Variants in CDH11 observed in about 807,000 individuals in gnomAD.
The protein encoded by CDH11 is cadherin 11.
Under a neutral mutation model 67.8 loss-of-function variants are expected in CDH11, and 11 were observed. The ratio of observed to expected loss-of-function variants is 0.16; its 90% CI spans 0.10 to 0.27. CDH11 has a LOEUF of 0.27. Ranked by LOEUF, CDH11 falls within the 10% of genes least tolerant of loss-of-function variation. The probability of loss-of-function intolerance (pLI) is 1.00; values close to 1 mark genes in which losing one functional copy is unlikely to be tolerated. For synonymous variants in CDH11, 419 were observed against 400.0 expected (o/e 1.05, Z -0.57); for missense variants, 847 against 1,031.2 (o/e 0.82, Z 2.45).
chr16:65,043,865 C>T (rs2073908854), intron 2 of CDH11, among the ~76,000 whole-genome samples: 1 of 152,104 alleles, frequency 6.6e-6, no homozygotes, highest in African/African-American at 2.4e-5. Flanking sequence ...CCTGGCTCTG[C>T]CACATATTAC....
intron 1 of CDH11, among the ~76,000 whole-genome samples, chr16:65,108,486 G>A (rs1421683069): frequency 6.6e-6 from 1 of 152,142 alleles, no homozygotes; most frequent in Non-Finnish European, 1.5e-5. Context: ...AATGAAAATT[G>A]TATCTTATAC....
chr16:65,006,939 C>G (rs2073068354), intron 2 of CDH11: 1 of 152,246 alleles, frequency 6.6e-6, no homozygotes, highest in African/African-American at 2.4e-5. Flanking sequence ...ATGACTTGCT[C>G]CTCCTCGCCT....
chr16:64,948,239 C>T (rs773087839), intron 12 of CDH11, 140 bp from the exon 13 acceptor site: 45 of 1,128,950 alleles, frequency 4.0e-5, no homozygotes, highest in Non-Finnish European at 5.3e-5. Flanking sequence ...AGAGCTTTGC[C>T]TGGAATCCCT....
chr16:65,027,119 A>G (rs1835748215), intron 2 of CDH11, among the ~76,000 whole-genome samples: 1 of 152,164 alleles, frequency 6.6e-6, no homozygotes, highest in South Asian at 2.1e-4. Context: ...CCTGATAGAA[A>G]GAGCAGCCAT....
chr16:64,999,002 G>T (rs2072846286), intron 3 of CDH11, 146 bp from the exon 4 acceptor site: 2 of 705,898 alleles, frequency 2.8e-6, no homozygotes, highest in East Asian at 2.7e-5. Context: ...CAGGAGAAAG[G>T]CAATCTTAGA....
intron 2 of CDH11, among the ~76,000 whole-genome samples, chr16:65,043,830 C>T (rs903142112): frequency 6.6e-6 from 1 of 152,010 alleles, no homozygotes; most frequent in Non-Finnish European, 1.5e-5. Flanking sequence ...TGGCATTGGT[C>T]TTGGGGGGAG....
At chr16:65,092,727 G>C (rs78800479) in intron 1 of CDH11, among the ~76,000 whole-genome samples, 2,187 of 149,662 alleles carry the variant, frequency 0.015, 16 homozygotes, top group Middle Eastern at 0.024. Context: ...CCCATGAACA[G>C]ATCCATCATC....
At chr16:65,031,082 C>A (rs913942940) in intron 2 of CDH11, among the ~76,000 whole-genome samples, 3 of 152,298 alleles carry the variant, frequency 2.0e-5, no homozygotes, top group Non-Finnish European at 2.9e-5. Context: ...TCTCAGAAAA[C>A]AACTAATACC....
chr16:64,990,046 T>A (rs2072591303), intron 6 of CDH11, among the ~76,000 whole-genome samples: 1 of 152,118 alleles, frequency 6.6e-6, no homozygotes, highest in African/African-American at 2.4e-5. Context: ...TACCAATTAA[T>A]GTGAAGGTTT....
At chr16:64,971,052 C>A (rs2071989726) in intron 11 of CDH11, among the ~76,000 whole-genome samples, 1 of 152,180 alleles carries the variant, frequency 6.6e-6, no homozygotes, top group South Asian at 2.1e-4. Context: ...TTAAATTTTG[C>A]CGTTTTTATA....
intron 1 of CDH11, among the ~76,000 whole-genome samples, chr16:65,087,252 G>A (rs2074717052): frequency 6.6e-6 from 1 of 152,122 alleles, no homozygotes; most frequent in South Asian, 2.1e-4. Context: ...TGAATCCAGG[G>A]AATTTAGTCT....
intron 1 of CDH11, among the ~76,000 whole-genome samples, chr16:65,100,649 A>G (rs1332600771): frequency 4.6e-5 from 7 of 151,568 alleles, no homozygotes; most frequent in African/African-American, 1.7e-4. Flanking sequence ...GAGGCAGGAG[A>G]ATGACGTGAA....
intron 3 of CDH11, among the ~76,000 whole-genome samples, chr16:65,004,269 A>C (rs2072994236): frequency 1.3e-5 from 2 of 152,138 alleles, no homozygotes. Flanking sequence ...GCTACTCAGG[A>C]GGCTAAAGCA....
At chr16:65,036,783 C>T (rs1459353468) in intron 2 of CDH11, among the ~76,000 whole-genome samples, 1 of 152,106 alleles carries the variant, frequency 6.6e-6, no homozygotes. Context: ...AGTCCAGCTC[C>T]CAATGGAAGA....
chr16:64,949,903 C>A (rs1166957073), intron 12 of CDH11, among the ~76,000 whole-genome samples: 2 of 152,148 alleles, frequency 1.3e-5, no homozygotes, highest in African/African-American at 4.8e-5. Context: ...GCCCGTTGCC[C>A]AGAGAATACC....
In CDH11 at chr16:64,947,415, G is replaced by T; in HGVS notation, c.*188C>A. ...ACAACTTCAATATTTGCCTTTTTGTGAGAAAAGGTATTTCACAGTATTTAC... is the reference window on the plus strand; with the variant it reads ...ACAACTTCAATATTTGCCTTTTTGTTAGAAAAGGTATTTCACAGTATTTAC... On this transcript the variant is annotated 3_prime_UTR_variant, in exon 13 of 13. Coordinates refer to ENST00000268603, the MANE Select transcript of CDH11 (RefSeq NM_001797.4). 5 of 1,329,064 alleles carry T rather than the reference G, an allele frequency of 3.8e-6. No individual in the cohort carries two copies. The highest frequency in any genetic ancestry group is 4.8e-6 in the Non-Finnish European group (5 of 1,040,734). 82.3% of individuals were successfully genotyped at this position (1,329,064 alleles called of 1,614,324 possible). A position where few individuals can be genotyped will look rare whatever the true frequency, so the allele number is the denominator to read the frequency against.
At chr16:65,053,736 G>A (rs1039327834) in intron 2 of CDH11, 68 bp downstream of exon 2, 1 of 446,624 alleles carries the variant, frequency 2.2e-6, no homozygotes, top group Non-Finnish European at 4.6e-6. Context: ...CACAGACCCA[G>A]TGGCATACTT....
intron 11 of CDH11, among the ~76,000 whole-genome samples, chr16:64,957,600 G>GCACACACACACACA (rs66508762): frequency 1.7e-4 from 24 of 145,080 alleles, no homozygotes; most frequent in African/African-American, 5.7e-4. Context: ...ACATGCCCGT[G>GCACACACACACACA]CACACACACA....
rs189874874 is a variant in CDH11 at position 65,042,158 on chromosome 16, C to T, written c.-173+11646G>A. Among the ~76,000 whole-genome samples, 6 of 152,242 alleles carry T rather than the reference C, an allele frequency of 3.9e-5. No individual in the cohort carries two copies. In the East Asian group the frequency reaches 1.2e-3, roughly 29 times the overall value. On this transcript the variant is annotated intron_variant, in intron 2 of 12. Transcript: ENST00000268603. ...GTGCTACTAGTATGGATGGCGCTGC[C>T]CTTGACATCCAGGACGTAGGGGTGG...
Sources: gnomAD v4.1 joint callset for allele counts (sites outside exome capture counted in the v4.1 genomes callset) on GRCh38, gnomAD v4.1.1 for gene constraint, MANE v1.5 for transcripts, NCBI Gene and HGNC (gene_info 2026-07-23, HGNC 2026-07-21) for gene names.